PHACTR4: variants seen among roughly 807,000 people sequenced by gnomAD.
PHACTR4 encodes the protein phosphatase and actin regulator 4, also known as protein phosphatase 1, regulatory subunit 124.
A neutral mutation model predicts 72.7 loss-of-function variants in PHACTR4; 51 were observed. The ratio of observed to expected loss-of-function variants is 0.70; its 90% CI spans 0.56 to 0.89. PHACTR4 has a LOEUF of 0.89. Among genes scored for constraint, PHACTR4 ranks in the 40% least tolerant of loss-of-function variants. The pLI, the probability that PHACTR4 is intolerant of heterozygous loss-of-function variation, is 0.00. For synonymous variants in PHACTR4, 255 were observed against 302.5 expected (o/e 0.84, Z 1.63); for missense variants, 731 against 861.8 (o/e 0.85, Z 1.90).
intron 2 of PHACTR4, among the ~76,000 whole-genome samples, chr1:28,439,365 A>G (rs1219551410): frequency 1.3e-5 from 2 of 152,166 alleles, no homozygotes; most frequent in African/African-American, 4.8e-5. Context: ...AACACAGGTA[A>G]CACTCCCAAA....
At chr1:28,479,712 C>T (rs1356902437) in intron 8 of PHACTR4, among the ~76,000 whole-genome samples, 2 of 151,548 alleles carry the variant, frequency 1.3e-5, no homozygotes, top group Non-Finnish European at 2.9e-5. Context: ...TAACGAAACC[C>T]GAAACCCGGT....
intron 10 of PHACTR4, 49 bp downstream of exon 10, chr1:28,489,274 T>G (rs1221980725): frequency 4.0e-6 from 6 of 1,506,128 alleles, no homozygotes; most frequent in Non-Finnish European, 5.5e-6. Context: ...TTTGTATGTT[T>G]CTGACTTTAA....
chr1:28,457,219 A>G (rs1291306713), intron 2 of PHACTR4: 2 of 392,844 alleles, frequency 5.1e-6, no homozygotes, highest in Non-Finnish European at 1.0e-5. Context: ...CAAGTGAAAA[A>G]AAGATTGAAT....
intron 2 of PHACTR4, chr1:28,453,925 A>G (rs1471204142): frequency 1.1e-5 from 8 of 750,150 alleles, no homozygotes; most frequent in Non-Finnish European, 1.8e-5. Flanking sequence ...AAAAGAATAC[A>G]TGGAACACGG....
At chr1:28,452,460 C>T (rs1311786674) in intron 2 of PHACTR4, among the ~76,000 whole-genome samples, 2 of 152,064 alleles carry the variant, frequency 1.3e-5, no homozygotes, top group East Asian at 3.9e-4. Context: ...AGTGAGCTCT[C>T]ATCTCACCAC....
chr1:28,421,661 G>C (rs751867055), intron 2 of PHACTR4, among the ~76,000 whole-genome samples: 5 of 151,914 alleles, frequency 3.3e-5, no homozygotes, highest in Non-Finnish European at 2.9e-5. Flanking sequence ...CCATTTCCCC[G>C]CACAGGGTGA....
At chr1:28,476,793 G>A (rs1398975411) in intron 8 of PHACTR4, among the ~76,000 whole-genome samples, 2 of 61,634 alleles carry the variant, frequency 3.2e-5, no homozygotes, top group Admixed American at 2.6e-4. Flanking sequence ...TTTTTGAGAC[G>A]GAGTTTTGCT....
At chr1:28,373,567 G>A (rs1420049343) in intron 1 of PHACTR4, among the ~76,000 whole-genome samples, 2 of 152,106 alleles carry the variant, frequency 1.3e-5, no homozygotes, top group African/African-American at 4.8e-5. Flanking sequence ...TGGGATTACA[G>A]GCGTCAGCCA....
chr1:28,432,082 G>A (rs189609963), intron 2 of PHACTR4, among the ~76,000 whole-genome samples: 5 of 152,162 alleles, frequency 3.3e-5, no homozygotes, highest in East Asian at 1.9e-4. Flanking sequence ...GGTGGCTCAC[G>A]CCTGTAATCC....
chr1:28,473,068 A>G lies in PHACTR4; in HGVS notation c.824-486A>G, dbSNP rs1172242213. On this transcript the variant is annotated intron_variant, in intron 6 of 13. Coordinates refer to ENST00000373839, the MANE Select transcript of PHACTR4 (RefSeq NM_001048183.3). ...GGCAGGTGGATCATTTGAGGTCAGG[A>G]GTTCGAGACCAGCCTGGCCAACATG... Among the ~76,000 whole-genome samples the G allele has an allele frequency of 2.0e-5, 3 of 149,326 alleles. No homozygotes were observed. In the Admixed American group the frequency reaches 2.0e-4, roughly 10 times the overall value.
intron 1 of PHACTR4, 145 bp downstream of exon 1, chr1:28,369,970 G>A: frequency 5.9e-6 from 2 of 341,638 alleles, no homozygotes; most frequent in Admixed American, 5.1e-5. Flanking sequence ...GTCGCTTCGG[G>A]CCAGGGCGGG....
chr1:28,479,399 C>A (rs1233179997), intron 8 of PHACTR4, among the ~76,000 whole-genome samples: 1 of 132,268 alleles, frequency 7.6e-6, no homozygotes, highest in Non-Finnish European at 1.6e-5. Context: ...CAGCCGGGGT[C>A]ACAGAGCGAG....
Position 28,430,003 on chromosome 1 carries a change from C to G in PHACTR4, c.16+22540C>G, listed in dbSNP as rs375873075. ...TACCTATTTCTCACTTCTGTCATCC[C>G]TCCTATGGCTGACTCTTTCAGGTTC... is the stretch of plus-strand genomic sequence containing the variant. On this transcript the variant is annotated intron_variant, in intron 2 of 13. Transcript: ENST00000373839. 3.3e-5 allele frequency among the ~76,000 whole-genome samples: 5 copies of G among 151,968 alleles called. No individual in the cohort carries two copies. In the East Asian group the frequency reaches 9.6e-4, roughly 29 times the overall value.
At chr1:28,406,044 A>G (rs1318042364) in intron 1 of PHACTR4, among the ~76,000 whole-genome samples, 1 of 152,132 alleles carries the variant, frequency 6.6e-6, no homozygotes, top group Admixed American at 6.5e-5. Flanking sequence ...TCACTTTGAT[A>G]CTCTCTAGTA....
At chr1:28,474,645 C>T (rs982922905) in intron 7 of PHACTR4, among the ~76,000 whole-genome samples, 1 of 151,720 alleles carries the variant, frequency 6.6e-6, no homozygotes, top group Admixed American at 6.6e-5. Flanking sequence ...CAGGTTCAAG[C>T]GATTCTCCTG....
intron 2 of PHACTR4, among the ~76,000 whole-genome samples, chr1:28,435,728 CATG>C (rs1300801037): frequency 6.6e-6 from 1 of 152,112 alleles, no homozygotes; most frequent in East Asian, 1.9e-4. Context: ...GTGTTAGTTC[CATG>C]ATGATGATGA....
chr1:28,393,028 T>G (rs1653179998), intron 1 of PHACTR4, among the ~76,000 whole-genome samples: 2 of 152,166 alleles, frequency 1.3e-5, no homozygotes, highest in African/African-American at 4.8e-5. Context: ...TGCAATTGGA[T>G]TCAGTACTGT....
chr1:28,448,642 G>A (rs1657664990), intron 2 of PHACTR4, among the ~76,000 whole-genome samples: 1 of 143,596 alleles, frequency 7.0e-6, no homozygotes, highest in Non-Finnish European at 1.5e-5. Context: ...GGCGCCTGTA[G>A]TCCCAGCTAC....
intron 1 of PHACTR4, among the ~76,000 whole-genome samples, chr1:28,376,369 T>G (rs907020082): frequency 6.6e-6 from 1 of 151,098 alleles, no homozygotes; most frequent in Non-Finnish European, 1.5e-5. Flanking sequence ...TGGAGTCCAG[T>G]GACATGATCA....
Sources: gnomAD v4.1 joint callset for allele counts (sites outside exome capture counted in the v4.1 genomes callset) on GRCh38, gnomAD v4.1.1 for gene constraint, MANE v1.5 for transcripts, NCBI Gene and HGNC (gene_info 2026-07-23, HGNC 2026-07-21) for gene names.